Variants in ACOX3 observed in about 807,000 individuals in gnomAD.
The protein encoded by ACOX3 is peroxisomal acyl-coenzyme A oxidase 3.
A neutral mutation model predicts 81.5 loss-of-function variants in ACOX3; 73 were observed. The observed-to-expected ratio is 0.90, with a 90% CI of 0.74 to 1.09. The LOEUF (loss-of-function observed/expected upper bound fraction) is 1.09, where lower values mean the gene tolerates loss of function less well. ACOX3 is among the 50% of genes least tolerant of loss of function. ACOX3 has a pLI of 0.00. For missense variants in ACOX3, 947 were observed against 928.0 expected (o/e 1.02, Z -0.27); for synonymous variants, 387 against 375.1 (o/e 1.03, Z -0.37).
chr4:8,413,773 C>A (rs768526437), intron 5 of ACOX3, among the ~76,000 whole-genome samples: 1 of 152,258 alleles, frequency 6.6e-6, no homozygotes, highest in Non-Finnish European at 1.5e-5. Context: ...CACCAGAACT[C>A]CCAGGCAGCA....
Position 8,414,937 on chromosome 4 carries a change from A to G in ACOX3, c.379-9T>C, listed in dbSNP as rs781727709. On this transcript the variant is annotated splice_polypyrimidine_tract_variant and intron_variant, in intron 3 of 17. Coordinates refer to ENST00000356406, the MANE Select transcript of ACOX3 (RefSeq NM_003501.3). This position sits in a 1 kb window ranked among gnomAD's most constrained non-coding sequence, Gnocchi z 6.1. The stretch of plus-strand genomic sequence containing the variant: ...ACTGCTGATCCAAAAACCTGAAAGT[A>G]TAACATCGTCCTATCAACAGGGGGC... The G allele has an allele frequency of 6.2e-7, 1 of 1,613,900 alleles. No homozygotes were observed. Among genetic ancestry groups the G allele is most frequent in the East Asian group, 2.2e-5 (1 of 44,906 alleles).
chr4:8,435,962 G>A (rs1238216685), intron 1 of ACOX3, among the ~76,000 whole-genome samples: 1 of 152,124 alleles, frequency 6.6e-6, no homozygotes, highest in Non-Finnish European at 1.5e-5. Context: ...GCCAAGGAAG[G>A]AAGTCAAGAT....
chr4:8,390,650 CT>C (rs1718879436), intron 11 of ACOX3, among the ~76,000 whole-genome samples: 1 of 152,264 alleles, frequency 6.6e-6, no homozygotes, highest in Non-Finnish European at 1.5e-5. Flanking sequence ...CCCTCACACA[CT>C]TGAGCCTGCC....
At position 8,381,553 on chromosome 4, in the gene ACOX3, T is replaced by C. The variant is rs780073703; in HGVS notation, c.1592A>G (p.Gln531Arg). The C allele has an allele frequency of 1.2e-6, 2 of 1,614,096 alleles. No homozygotes were observed. The highest frequency in any genetic ancestry group is 4.5e-5 in the East Asian group (2 of 44,888). ...LVCYLLRETYQKLNQEKRSGS... is the reference protein window; with the variant it reads ...LVCYLLRETYRKLNQEKRSGS... Reference sequence around the variant, plus strand: ...TGATCTTTTCTCTTGGTTTAATTTTTGATAAGTCTCTCGGAGCAGGTAGCA... The same window carrying C: ...TGATCTTTTCTCTTGGTTTAATTTTCGATAAGTCTCTCGGAGCAGGTAGCA... Residue 531 changes from glutamine to arginine, a missense_variant, in exon 14 of 18, where the codon CAA becomes CGA. Transcript: ENST00000356406. The surrounding 1 kb of genome is among the most constrained non-coding windows in gnomAD (Gnocchi z 4.3).
rs1048393401 is a variant in ACOX3, at chr4:8,384,278, T to C, written c.1538-2671A>G. On this transcript the variant is annotated intron_variant, in intron 13 of 17. Coordinates refer to ENST00000356406, the MANE Select transcript of ACOX3 (RefSeq NM_003501.3). This position sits in a 1 kb window ranked among gnomAD's most constrained non-coding sequence, Gnocchi z 5.3. ...TGGTTTTTCGTGAAAAAATAAATCA[T>C]GTCAGTCTGATGTGTTCATGTGCAG... is the stretch of plus-strand genomic sequence containing the variant. 1.8e-4 allele frequency among the ~76,000 whole-genome samples: 28 copies of C among 152,192 alleles called. No individual in the cohort carries two copies. The highest frequency in any genetic ancestry group is 6.8e-4 in the African/African-American group (28 of 41,442).
At chr4:8,380,814 G>A (rs921267066) in intron 14 of ACOX3, among the ~76,000 whole-genome samples, 4 of 152,176 alleles carry the variant, frequency 2.6e-5, no homozygotes, top group South Asian at 2.1e-4. Flanking sequence ...TAGGGCTGGC[G>A]CACTCCAGCC....
intron 5 of ACOX3, among the ~76,000 whole-genome samples, chr4:8,413,189 C>T (rs1444661795): frequency 7.1e-6 from 1 of 140,406 alleles, no homozygotes; most frequent in Non-Finnish European, 1.5e-5. Flanking sequence ...TCTCCCTCCA[C>T]CCCTGCACCC....
chr4:8,410,977 AG>A (rs1193761593), intron 5 of ACOX3, among the ~76,000 whole-genome samples: 1 of 152,224 alleles, frequency 6.6e-6, no homozygotes, highest in Non-Finnish European at 1.5e-5. Flanking sequence ...CAGATCCCCA[AG>A]GAACACTGAG....
chr4:8,408,891 T>TGGGCGGGG (rs1721341781), intron 6 of ACOX3, among the ~76,000 whole-genome samples: 1 of 25,790 alleles, frequency 3.9e-5, no homozygotes, highest in Admixed American at 4.9e-4. Context: ...GAGCCCTCAC[T>TGGGCGGGG]GGGGGGGGGG....
At chr4:8,383,227 C>A (rs906374616) in intron 13 of ACOX3, among the ~76,000 whole-genome samples, 6 of 152,334 alleles carry the variant, frequency 3.9e-5, no homozygotes, top group Non-Finnish European at 8.8e-5. Flanking sequence ...AGGGCACAGG[C>A]AGGGTTGGGC....
At chr4:8,376,346 A>AT (rs1272221923) in intron 14 of ACOX3, among the ~76,000 whole-genome samples, 1 of 83,774 alleles carries the variant, frequency 1.2e-5, no homozygotes, top group East Asian at 2.9e-4. Flanking sequence ...TACTTTTAAA[A>AT]TTAAAAAAAA....
chr4:8,413,266 A>ATG (rs1721955784), intron 5 of ACOX3, among the ~76,000 whole-genome samples: 2 of 28,542 alleles, frequency 7.0e-5, no homozygotes, highest in Non-Finnish European at 1.3e-4. Context: ...GCACCCCTCC[A>ATG]CAGCACTGAC....
intron 11 of ACOX3, among the ~76,000 whole-genome samples, chr4:8,390,479 G>A (rs985578080): frequency 6.6e-6 from 1 of 152,208 alleles, no homozygotes; most frequent in African/African-American, 2.4e-5. Context: ...CTGATAGGAG[G>A]GAGCCATCTC....
In ACOX3 at chr4:8,405,842, G is replaced by A; in HGVS notation, c.776+113C>T. ...AGGCGTAGGTCCCCACCGCATTTGA[G>A]TCTAAGAGGGCAGGGCATGGCATCC... On this transcript the variant is annotated intron_variant, in intron 7 of 17. Coordinates refer to ENST00000356406, the MANE Select transcript of ACOX3 (RefSeq NM_003501.3). This position sits in a 1 kb window ranked among gnomAD's most constrained non-coding sequence, Gnocchi z 7.1. 1 of 1,097,974 alleles carries A rather than the reference G, an allele frequency of 9.1e-7. No homozygotes were observed. Among genetic ancestry groups the A allele is most frequent in the Non-Finnish European group, 1.4e-6 (1 of 720,482 alleles). The allele number at this position is 1,097,974 out of a possible 1,614,324, so 68.0% of individuals were successfully genotyped here.
intron 15 of ACOX3, chr4:8,374,666 G>T (rs1445153692): frequency 7.0e-6 from 2 of 284,096 alleles, no homozygotes; most frequent in Non-Finnish European, 1.3e-5. Context: ...TGTGCCTTAT[G>T]GGACCTAGTG....
chr4:8,397,616 G>A (rs75630402), intron 8 of ACOX3, among the ~76,000 whole-genome samples: 3,100 of 152,298 alleles, frequency 0.02, 112 homozygotes, highest in African/African-American at 0.07. Flanking sequence ...GGAATCTTCC[G>A]TCCACTATCT....
rs1723961737 is a variant in ACOX3 at position 8,431,672 on chromosome 4, G to A, written c.-15+8976C>T. Among the ~76,000 whole-genome samples, 1 of 152,230 alleles carries A rather than the reference G, an allele frequency of 6.6e-6. No individual in the cohort carries two copies. The highest frequency in any genetic ancestry group is 1.5e-5 in the Non-Finnish European group (1 of 68,034). On this transcript the variant is annotated intron_variant, in intron 1 of 17. Coordinates refer to ENST00000356406, the MANE Select transcript of ACOX3 (RefSeq NM_003501.3). This position sits in a 1 kb window ranked among gnomAD's most constrained non-coding sequence, Gnocchi z 5.3. ...CAGGAGCTGCACGTGGACCCCTAGT[G>A]TGAACAGTAGGGGTGGGGTGAGTGT...
At position 8,389,668 on chromosome 4, in the gene ACOX3, ATGT is replaced by A; in HGVS notation, c.1364_1366del (p.Asn455del). On this transcript the variant is annotated inframe_deletion, in exon 12 of 18. Transcript: ENST00000356406. This position sits in a 1 kb window ranked among gnomAD's most constrained non-coding sequence, Gnocchi z 5.3. ...ATAGTTGCTTGTCTGCTGCAGCAGG[ATGT>A]TGTTGTCACCTTCGTATGTGCAGTT... is the stretch of plus-strand genomic sequence containing the variant. 1 of 1,614,054 alleles carries A rather than the reference ATGT, an allele frequency of 6.2e-7. No homozygotes were observed. Among genetic ancestry groups the A allele is most frequent in the Non-Finnish European group, 8.5e-7 (1 of 1,180,000 alleles).
At chr4:8,411,706 C>A (rs369505743) in intron 5 of ACOX3, among the ~76,000 whole-genome samples, 13 of 152,344 alleles carry the variant, frequency 8.5e-5, no homozygotes, top group East Asian at 3.9e-4. Context: ...CCCCGGCATA[C>A]CAGCTTTGCT....
Sources: allele counts gnomAD v4.1 joint callset (sites outside exome capture counted in the v4.1 genomes callset), GRCh38; gene constraint gnomAD v4.1.1; non-coding constraint Gnocchi (gnomAD v3.1); transcripts MANE v1.5; gene names NCBI Gene and HGNC (gene_info 2026-07-23, HGNC 2026-07-21).